The following PPP1R8 variants were observed in gnomAD, a reference collection of about 807,000 sequenced individuals.
The protein encoded by PPP1R8 is protein phosphatase 1 regulatory subunit 8, also known as nuclear inhibitor of protein phosphatase 1.
Under a neutral mutation model 31.3 loss-of-function variants are expected in PPP1R8, and 4 were observed. The observed-to-expected ratio is 0.13, with a 90% confidence interval of 0.06 to 0.29. PPP1R8 has a LOEUF of 0.29. Among genes scored for constraint, PPP1R8 ranks in the 10% least tolerant of loss-of-function variants. The pLI is 1.00. For synonymous variants in PPP1R8, 170 were observed against 169.7 expected (o/e 1.00, Z -0.01); for missense variants, 254 against 440.1 (o/e 0.58, Z 3.78).
At position 27,841,181 on chromosome 1, in the gene PPP1R8, G is replaced by T. The variant is rs201212604; in HGVS notation, c.439G>T (p.Asp147Tyr). ...VKGDEKMGGE[D>Y]DELKGLLGLP... is the part of the protein sequence containing the mutation. ...AGGAGATGAGAAGATGGGTGGAGAG[G>T]ATGATGAACTCAAGGGCTTACTGGG... The change falls in exon 4 of 7, where the codon GAT (aspartate) becomes TAT (tyrosine). Residue 147 changes from aspartate (D) to tyrosine (Y), a missense_variant. Coordinates refer to ENST00000311772, the MANE Select transcript of PPP1R8 (RefSeq NM_014110.5). The T allele has an allele frequency of 1.2e-6, 2 of 1,614,230 alleles. No individual in the cohort carries two copies. Among genetic ancestry groups the T allele is most frequent in the Non-Finnish European group, 8.5e-7 (1 of 1,180,042 alleles).
intron 2 of PPP1R8, among the ~76,000 whole-genome samples, chr1:27,838,164 T>C (rs573087235): frequency 2.1e-4 from 31 of 148,794 alleles, no homozygotes; most frequent in African/African-American, 7.5e-4. Flanking sequence ...TGAGCCAAGA[T>C]TGCACCATTG....
At chr1:27,836,455 G>T (rs767607058) in intron 2 of PPP1R8, among the ~76,000 whole-genome samples, 9 of 151,828 alleles carry the variant, frequency 5.9e-5, no homozygotes, top group Non-Finnish European at 1.0e-4. Context: ...TTGCTCTGTC[G>T]CCCAGGCTGG....
In PPP1R8 at chr1:27,838,716, G is replaced by A; in HGVS notation, c.135G>A (p.Glu45=). 6.4e-7 allele frequency: 1 copy of A among 1,571,064 alleles called. No homozygotes were observed. Among genetic ancestry groups the A allele is most frequent in the Non-Finnish European group, 8.7e-7 (1 of 1,155,112 alleles). Residue 45 remains glutamate (E), a synonymous_variant, in exon 3 of 7, where the codon GAG becomes GAA. Coordinates refer to ENST00000311772, the MANE Select transcript of PPP1R8 (RefSeq NM_014110.5). ...TTATTTAGAAACTGATTATTGATGA[G>A]AAGAAGTATTACTTATTTGGGAGAA... The part of the protein sequence containing the change: ...DKLIEKLIID[E]KKYYLFGRNP...
intron 2 of PPP1R8, among the ~76,000 whole-genome samples, chr1:27,837,640 T>C (rs2089182250): frequency 6.6e-6 from 1 of 150,748 alleles, no homozygotes; most frequent in Non-Finnish European, 1.5e-5. Flanking sequence ...CTGGGCGTGG[T>C]GGCGGGCGCC....
intron 2 of PPP1R8, chr1:27,834,299 T>G: frequency 2.4e-6 from 1 of 424,734 alleles, no homozygotes; most frequent in Non-Finnish European, 4.7e-6. Context: ...TTGTTAAGTG[T>G]GCTGAGTTGC....
chr1:27,837,538 T>TGG (rs2089180837), intron 2 of PPP1R8, among the ~76,000 whole-genome samples: 1 of 151,432 alleles, frequency 6.6e-6, no homozygotes, highest in African/African-American at 2.4e-5. Context: ...CCCAGCACTT[T>TGG]GGGAGGCTGA....
intron 1 of PPP1R8, 75 bp downstream of exon 1, chr1:27,830,966 A>G (rs2089095895): frequency 6.8e-7 from 1 of 1,467,002 alleles, no homozygotes; most frequent in Non-Finnish European, 9.0e-7. Flanking sequence ...CTCTTTTTTT[A>G]CTTTTCTGCT....
At chr1:27,846,211 G>A (rs755700110) in intron 5 of PPP1R8, among the ~76,000 whole-genome samples, 19 of 152,204 alleles carry the variant, frequency 1.2e-4, no homozygotes, top group Non-Finnish European at 2.1e-4. Flanking sequence ...GTTTTCTCTA[G>A]TAGTGGTACA....
chr1:27,835,600 G>A (rs1022695251), intron 2 of PPP1R8, among the ~76,000 whole-genome samples: 1 of 152,220 alleles, frequency 6.6e-6, no homozygotes, highest in African/African-American at 2.4e-5. Context: ...CCTTAAGGCT[G>A]AGCTTGAAAG....
chr1:27,840,862 A>G, intron 3 of PPP1R8, 152 bp from the exon 4 acceptor site: 2 of 742,116 alleles, frequency 2.7e-6, no homozygotes, highest in South Asian at 3.7e-5. Flanking sequence ...TGACTATGGC[A>G]TTTTTAAAAT....
In PPP1R8 at chr1:27,850,373, A is replaced by G. The variant is rs1296450107; in HGVS notation, c.983A>G (p.Asn328Ser). Residue 328 changes from asparagine to serine, a missense_variant, in exon 7 of 7, where the codon AAT (asparagine) becomes AGT (serine). Asn to Ser is a conservative substitution (Grantham distance 46). Around this residue, in one of 6 missense-constraint regions of PPP1R8, gnomAD observed 105 missense variants for 128.0 expected, o/e 0.82. Transcript: ENST00000311772. ...GCAGTCTATAACCCTGAAGCTGTAA[A>G]TGAACCCAAGAAGAAGAAATATGCA... The part of the protein sequence containing the change: ...NPAVYNPEAV[N>S]EPKKKKYAKE... The G allele has an allele frequency of 3.1e-6, 5 of 1,613,484 alleles. No individual in the cohort carries two copies. Among genetic ancestry groups the G allele is most frequent in the Non-Finnish European group, 4.2e-6 (5 of 1,179,680 alleles).
In PPP1R8 at chr1:27,850,242, A is replaced by G; in HGVS notation, c.852A>G (p.Thr284=). The change falls in exon 7 of 7, where the codon ACA becomes ACG. Residue 284 remains threonine (T), a synonymous_variant. Coordinates refer to ENST00000311772, the MANE Select transcript of PPP1R8 (RefSeq NM_014110.5). ...CCCAGCCACATGGCATCCATGGGACAGCACTCATCGGTGGCTTGCCCATGC... is the reference window on the plus strand; with the variant it reads ...CCCAGCCACATGGCATCCATGGGACGGCACTCATCGGTGGCTTGCCCATGC... The part of the protein sequence containing the change: ...AGSQPHGIHG[T]ALIGGLPMPY... The G allele has an allele frequency of 6.2e-7, 1 of 1,614,248 alleles. No homozygotes were observed. The highest frequency in any genetic ancestry group is 8.5e-7 in the Non-Finnish European group (1 of 1,180,046).
intron 2 of PPP1R8, 62 bp from the exon 3 acceptor site, chr1:27,838,637 G>A (rs1031155814): frequency 1.8e-6 from 2 of 1,117,052 alleles, no homozygotes; most frequent in Non-Finnish European, 1.2e-6. Flanking sequence ...CTATTTGGGA[G>A]AGTTTTTGGT....
chr1:27,850,482 G>GGGGGTTGGGGGGGGA lies in PPP1R8; in HGVS notation c.*36_*37insGGGGTTGGGGGGGGA. 1 of 511,096 alleles carries GGGGGTTGGGGGGGGA rather than the reference G, an allele frequency of 2.0e-6. No individual in the cohort carries two copies. 31.7% of individuals were successfully genotyped at this position (511,096 alleles called of 1,614,324 possible). A position where few individuals can be genotyped will look rare whatever the true frequency, so the allele number is the denominator to read the frequency against. On this transcript the variant is annotated 3_prime_UTR_variant, in exon 7 of 7. Coordinates refer to ENST00000311772, the MANE Select transcript of PPP1R8 (RefSeq NM_014110.5). ...CATGGAGAAGGGTGGGATTGGGTGG[G>GGGGGTTGGGGGGGGA]AATGGGGTGGAAGGGTGATGGGGAG...
chr1:27,850,458 A>G lies in PPP1R8; in HGVS notation c.*12A>G, dbSNP rs762094806. ...CCTTGCTGATTTGATATTTTTGGTC[A>G]TGGAGAAGGGTGGGATTGGGTGGGA... is the stretch of plus-strand genomic sequence containing the variant. On this transcript the variant is annotated 3_prime_UTR_variant, in exon 7 of 7. Transcript: ENST00000311772. 2.4e-5 allele frequency: 12 copies of G among 502,848 alleles called. No individual in the cohort carries two copies. Among genetic ancestry groups the G allele is most frequent in the African/African-American group, 1.8e-4 (9 of 49,798 alleles). 31.1% of individuals were successfully genotyped at this position (502,848 alleles called of 1,614,324 possible).
At chr1:27,848,271 G>C (rs1048295872) in intron 6 of PPP1R8, among the ~76,000 whole-genome samples, 3 of 152,258 alleles carry the variant, frequency 2.0e-5, no homozygotes, top group African/African-American at 7.2e-5. Flanking sequence ...TGGGCGTGGT[G>C]GTGGGCGCCT....
At chr1:27,834,262 A>G (rs1043088534) in intron 2 of PPP1R8, 4 of 350,846 alleles carry the variant, frequency 1.1e-5, no homozygotes, top group African/African-American at 8.5e-5. Flanking sequence ...ATTGGTGTCT[A>G]TTAGCTGATA....
At chr1:27,849,528 ACT>A (rs2089319736) in intron 6 of PPP1R8, among the ~76,000 whole-genome samples, 1 of 151,910 alleles carries the variant, frequency 6.6e-6, no homozygotes, top group African/African-American at 2.4e-5. Flanking sequence ...ACAGAGTCTT[ACT>A]CTGTCACCCA....
intron 2 of PPP1R8, among the ~76,000 whole-genome samples, chr1:27,833,714 T>C (rs1356515837): frequency 1.3e-5 from 2 of 152,226 alleles, no homozygotes; most frequent in African/African-American, 4.8e-5. Context: ...AATGCAGTTT[T>C]TTCATTGTGG....
Sources: allele counts gnomAD v4.1 joint callset (sites outside exome capture counted in the v4.1 genomes callset), GRCh38; gene constraint gnomAD v4.1.1; regional missense constraint gnomAD v4.1.1; transcripts MANE v1.5; gene names NCBI Gene and HGNC (gene_info 2026-07-23, HGNC 2026-07-21).